The following DTNA variants were observed in gnomAD, a reference collection of about 807,000 sequenced individuals.
DTNA encodes the protein dystrobrevin alpha, also known as dystrophin-related protein 3.
DTNA carries 43 observed loss-of-function variants against 100.7 expected under a neutral mutation model. The ratio of observed to expected loss-of-function variants is 0.43; its 90% CI spans 0.33 to 0.55. DTNA has a LOEUF of 0.55. Ranked by LOEUF, DTNA falls within the 20% of genes least tolerant of loss-of-function variation. DTNA has a pLI of 0.04. For synonymous variants in DTNA, 349 were observed against 347.9 expected, an observed-to-expected ratio of 1.00 and a Z score of -0.04; for missense variants, 798 against 953.9, an observed-to-expected ratio of 0.84 and a Z score of 2.15.
intron 1 of DTNA, among the ~76,000 whole-genome samples, chr18:34,577,137 A>G (rs989274957): frequency 1.3e-5 from 2 of 152,126 alleles, no homozygotes; most frequent in Non-Finnish European, 2.9e-5. Flanking sequence ...AATTTTGTTC[A>G]TTTTAGCTGT....
intron 1 of DTNA, among the ~76,000 whole-genome samples, chr18:34,519,515 C>G (rs547159526): frequency 7.2e-5 from 11 of 152,184 alleles, no homozygotes; most frequent in African/African-American, 2.6e-4. Context: ...ATTCATGGCC[C>G]TAGAGCTTTT....
chr18:34,852,123 C>A (rs145951549), intron 15 of DTNA, among the ~76,000 whole-genome samples, 195 bp downstream of exon 15: 1 of 152,130 alleles, frequency 6.6e-6, no homozygotes, highest in Non-Finnish European at 1.5e-5. Context: ...GAGAAAACGG[C>A]GTGTGCATGT....
intron 5 of DTNA, among the ~76,000 whole-genome samples, chr18:34,809,776 A>G (rs1425863388): frequency 2.6e-5 from 4 of 152,182 alleles, no homozygotes; most frequent in Non-Finnish European, 5.9e-5. Context: ...AGCAACAGAA[A>G]ATTTGAAGTT....
At chr18:34,709,309 T>C (rs1463450251), upstream of DTNA, 1 of 152,078 alleles carries the variant, frequency 6.6e-6, no homozygotes, top group Admixed American at 6.5e-5. Flanking sequence ...TAAGCTAAGT[T>C]TGGGAAATAA....
chr18:34,660,858 CA>C (rs1205369572), intron 1 of DTNA, among the ~76,000 whole-genome samples: 1 of 152,142 alleles, frequency 6.6e-6, no homozygotes, highest in Non-Finnish European at 1.5e-5. Flanking sequence ...CTGACCCAAC[CA>C]GTGTACATCT....
chr18:34,816,200 A>G (rs2095593493), intron 7 of DTNA, among the ~76,000 whole-genome samples, 186 bp downstream of exon 7: 1 of 152,172 alleles, frequency 6.6e-6, no homozygotes, highest in African/African-American at 2.4e-5. Context: ...AAAAATTAGG[A>G]CTGTCAGTTC....
intron 1 of DTNA, among the ~76,000 whole-genome samples, chr18:34,711,584 A>G (rs534007550): frequency 6.6e-6 from 1 of 152,368 alleles, no homozygotes; most frequent in African/African-American, 2.4e-5. Flanking sequence ...AGTGAACTAA[A>G]ATCAATTATG....
intron 1 of DTNA, among the ~76,000 whole-genome samples, chr18:34,660,531 C>G (rs1308502202): frequency 6.6e-6 from 1 of 152,026 alleles, no homozygotes; most frequent in African/African-American, 2.4e-5. Flanking sequence ...AATCTGCATT[C>G]TGTAGAGAAT....
chr18:34,793,180 G>A (rs926592692), intron 3 of DTNA, among the ~76,000 whole-genome samples: 1 of 152,226 alleles, frequency 6.6e-6, no homozygotes, highest in African/African-American at 2.4e-5. Flanking sequence ...TAGTTGCCTG[G>A]AACAGGGAAT....
intron 1 of DTNA, among the ~76,000 whole-genome samples, chr18:34,642,681 C>A (rs1347269945): frequency 6.6e-6 from 1 of 152,038 alleles, no homozygotes; most frequent in African/African-American, 2.4e-5. Flanking sequence ...GCCTTAGCCT[C>A]CCGAGTAGCT....
At chr18:34,747,831 T>C (rs1227223396) in intron 1 of DTNA, among the ~76,000 whole-genome samples, 1 of 152,004 alleles carries the variant, frequency 6.6e-6, no homozygotes, top group Non-Finnish European at 1.5e-5. Context: ...TTCTTTTCCT[T>C]TGGGGATTGC....
chr18:34,542,584 A>G (rs2145767336), intron 1 of DTNA, among the ~76,000 whole-genome samples: 1 of 152,176 alleles, frequency 6.6e-6, no homozygotes, highest in South Asian at 2.1e-4. Context: ...GTGGAATCCA[A>G]AGTTTTCAGT....
In DTNA at chr18:34,864,043, G is replaced by A. The variant is rs1287149440; in HGVS notation, c.1724G>A (p.Gly575Asp). 6.2e-7 allele frequency: 1 copy of A among 1,610,688 alleles called. No individual in the cohort carries two copies. The highest frequency in any genetic ancestry group is 1.7e-5 in the Admixed American group (1 of 59,788). The stretch of plus-strand genomic sequence containing the variant: ...AGAGAGCTAATGGTCCAGTTGGAGG[G>A]TCTCATGAAGCTACTAAAGGTAAGA... ...SRRELMVQLEGLMKLLKTQGA... is the reference protein window; with the variant it reads ...SRRELMVQLEDLMKLLKTQGA... The change falls in exon 17 of 23, where the codon GGT becomes GAT. Residue 575 changes from glycine to aspartate, a missense_variant. Gly to Asp is a moderately conservative substitution (Grantham distance 94). Around this residue, in one of 6 missense-constraint regions of DTNA, gnomAD observed 26 missense variants for 55.0 expected, o/e 0.47. Transcript: ENST00000444659.
chr18:34,668,058 A>C (rs974544388), intron 1 of DTNA, among the ~76,000 whole-genome samples: 56 of 151,986 alleles, frequency 3.7e-4, no homozygotes, highest in Admixed American at 1.0e-3. Flanking sequence ...CCGGTCCTGG[A>C]CTTTTTTTGG....
rs191101186 is a variant in DTNA, at chr18:34,617,875, A to G, written c.-2+124361A>G. ...GCCAGAAACTTTGTGTGATCCTTTC[A>G]TTGTGATATTTGCTTTATTATAGTG... On this transcript the variant is annotated intron_variant, in intron 1 of 19. Transcript: ENST00000283365. Among the ~76,000 whole-genome samples the G allele has an allele frequency of 8.2e-3, 1,249 of 152,278 alleles. 12 individuals are homozygous for G. Among genetic ancestry groups the G allele is most frequent in the Middle Eastern group, 0.01 (3 of 294 alleles).
At chr18:34,623,117 G>T (rs932520893) in intron 1 of DTNA, among the ~76,000 whole-genome samples, 2 of 152,168 alleles carry the variant, frequency 1.3e-5, no homozygotes, top group East Asian at 3.8e-4. Context: ...CCATGGGGCA[G>T]ATCTCCCAGG....
intron 1 of DTNA, among the ~76,000 whole-genome samples, chr18:34,502,781 G>A (rs903501862): frequency 1.3e-5 from 2 of 152,150 alleles, no homozygotes; most frequent in African/African-American, 4.8e-5. Flanking sequence ...CCCAAAATGT[G>A]CTATGCCTTG....
chr18:34,853,178 C>T (rs1293730203), intron 15 of DTNA, among the ~76,000 whole-genome samples: 4 of 152,114 alleles, frequency 2.6e-5, no homozygotes, highest in African/African-American at 9.7e-5. Context: ...TGGTTTTTGC[C>T]ATTATTTTTA....
chr18:34,689,334 A>AT (rs149772169), intron 1 of DTNA, among the ~76,000 whole-genome samples: 9,277 of 151,844 alleles, frequency 0.061, 930 homozygotes, highest in African/African-American at 0.21. Flanking sequence ...TTGGGTGGTC[A>AT]TTTTTTTGTT....
Sources: gnomAD v4.1 joint callset for allele counts (sites outside exome capture counted in the v4.1 genomes callset) on GRCh38, gnomAD v4.1.1 for gene constraint, gnomAD v4.1.1 regional missense constraint, MANE v1.5 for transcripts, NCBI Gene and HGNC (gene_info 2026-07-23, HGNC 2026-07-21) for gene names.